The following PLPPR4 variants were observed in gnomAD, a reference collection of about 807,000 sequenced individuals.
PLPPR4 encodes phospholipid phosphatase-related protein type 4.
PLPPR4 carries 24 observed loss-of-function variants against 56.6 expected under a neutral mutation model. That is an observed-to-expected ratio of 0.42 (90% CI 0.31 to 0.60). The LOEUF is 0.60. Among genes scored for constraint, PLPPR4 ranks in the 20% least tolerant of loss-of-function variants. The pLI, the probability that PLPPR4 is intolerant of heterozygous loss-of-function variation, is 0.13. For synonymous variants in PLPPR4, 326 were observed against 328.1 expected, an observed-to-expected ratio of 0.99 and a Z score of 0.07; for missense variants, 654 against 885.8, an observed-to-expected ratio of 0.74 and a Z score of 3.32.
At chr1:99,302,146 G>A (rs932355410) in intron 6 of PLPPR4, among the ~76,000 whole-genome samples, 1 of 152,010 alleles carries the variant, frequency 6.6e-6, no homozygotes, top group South Asian at 2.1e-4. Flanking sequence ...CCAAACAGGA[G>A]GTGGGCAGGG....
intron 3 of PLPPR4, among the ~76,000 whole-genome samples, chr1:99,297,886 T>G (rs1282958641): frequency 6.6e-6 from 1 of 152,106 alleles, no homozygotes; most frequent in Non-Finnish European, 1.5e-5. Flanking sequence ...ATACCCTCTC[T>G]CGACTGGAAG....
At chr1:99,286,303 A>C (rs978061261) in intron 1 of PLPPR4, among the ~76,000 whole-genome samples, 64 of 152,292 alleles carry the variant, frequency 4.2e-4, no homozygotes, top group African/African-American at 1.5e-3. Context: ...AATTAAATTA[A>C]GGTTTACACA....
chr1:99,275,090 C>T (rs1471161936), intron 1 of PLPPR4, among the ~76,000 whole-genome samples: 2 of 151,906 alleles, frequency 1.3e-5, no homozygotes, highest in African/African-American at 4.8e-5. Flanking sequence ...TCTGAAAATG[C>T]CTGTATTGTA....
intron 1 of PLPPR4, among the ~76,000 whole-genome samples, chr1:99,276,888 G>A (rs1224867312): frequency 6.6e-6 from 1 of 152,160 alleles, no homozygotes; most frequent in Admixed American, 6.6e-5. Flanking sequence ...GATGCCTAAT[G>A]ATTTCTCATT....
upstream of PLPPR4, chr1:99,264,478 G>T: frequency 2.0e-6 from 3 of 1,524,702 alleles, no homozygotes; most frequent in Non-Finnish European, 2.6e-6. Context: ...AGCGGTGGCC[G>T]CGGGGAATGT....
At chr1:99,295,351 C>T (rs1659716622) in intron 2 of PLPPR4, among the ~76,000 whole-genome samples, 1 of 152,132 alleles carries the variant, frequency 6.6e-6, no homozygotes, top group African/African-American at 2.4e-5. Context: ...AGGCCATAGG[C>T]TTGCTGTCAT....
chr1:99,291,698 T>G (rs893514916), intron 2 of PLPPR4, among the ~76,000 whole-genome samples: 1 of 152,160 alleles, frequency 6.6e-6, no homozygotes, highest in Non-Finnish European at 1.5e-5. Context: ...CCACGTGTTC[T>G]CATTCATAAC....
At chr1:99,297,067 C>T (rs1418931361) in intron 3 of PLPPR4, among the ~76,000 whole-genome samples, 200 bp downstream of exon 3, 1 of 151,996 alleles carries the variant, frequency 6.6e-6, no homozygotes, top group Non-Finnish European at 1.5e-5. Context: ...ACAGTTGTAG[C>T]CCTTGTTTTG....
intron 2 of PLPPR4, among the ~76,000 whole-genome samples, chr1:99,289,744 A>G (rs1207471173): frequency 6.6e-6 from 1 of 152,144 alleles, no homozygotes; most frequent in East Asian, 1.9e-4. Flanking sequence ...AAAATTTGAC[A>G]TACCTTCATG....
In PLPPR4 at chr1:99,306,787, T is replaced by C. The variant is rs1395247927; in HGVS notation, c.1925T>C (p.Ile642Thr). 1.2e-6 allele frequency: 2 copies of C among 1,613,996 alleles called. No individual in the cohort carries two copies. Among genetic ancestry groups the C allele is most frequent in the Non-Finnish European group, 1.7e-6 (2 of 1,179,988 alleles). ...TCTGGAGATCGCAAGAGAAGCAACA[T>C]TGATAGCAATGAGCATCACCACCAC... Reference protein sequence around the residue: ...FGSGDRKRSNIDSNEHHHHGI... With the variant: ...FGSGDRKRSNTDSNEHHHHGI... Residue 642 changes from isoleucine (I) to threonine (T), a missense_variant, in exon 7 of 7, where the codon ATT (isoleucine) becomes ACT (threonine). Physicochemically the swap from Ile to Thr is moderately conservative, Grantham distance 89. Transcript: ENST00000370185. This position sits in a 1 kb window ranked among gnomAD's most constrained non-coding sequence, Gnocchi z 4.0.
At chr1:99,283,866 C>G (rs572634534) in intron 1 of PLPPR4, among the ~76,000 whole-genome samples, 2 of 152,074 alleles carry the variant, frequency 1.3e-5, no homozygotes, top group Admixed American at 1.3e-4. Flanking sequence ...GCAGGAGAAT[C>G]GCTTGAACTC....
intron 1 of PLPPR4, among the ~76,000 whole-genome samples, chr1:99,270,636 A>T (rs1470340664): frequency 2.6e-5 from 4 of 152,192 alleles, no homozygotes; most frequent in Non-Finnish European, 5.9e-5. Flanking sequence ...CTATCTCATG[A>T]TCTATGTACA....
At chr1:99,283,933 C>G (rs1213357111) in intron 1 of PLPPR4, among the ~76,000 whole-genome samples, 1 of 152,052 alleles carries the variant, frequency 6.6e-6, no homozygotes. Context: ...GCTTGGGCGA[C>G]AGAGCGAGAC....
intron 1 of PLPPR4, among the ~76,000 whole-genome samples, chr1:99,272,317 C>A (rs1245412408): frequency 6.6e-6 from 1 of 151,970 alleles, no homozygotes; most frequent in Non-Finnish European, 1.5e-5. Flanking sequence ...AGTATGCCAG[C>A]GTTACCTAAG....
At chr1:99,264,346 A>G (rs1292571685), upstream of PLPPR4, 2 of 1,000,282 alleles carry the variant, frequency 2.0e-6, no homozygotes, top group Admixed American at 3.0e-5. Context: ...CTCTCGCCAG[A>G]AAAACGGGGA....
At chr1:99,285,141 G>A (rs961805468) in intron 1 of PLPPR4, among the ~76,000 whole-genome samples, 1 of 152,122 alleles carries the variant, frequency 6.6e-6, no homozygotes, top group Non-Finnish European at 1.5e-5. Flanking sequence ...ATTGTTGACT[G>A]TGGAACTAGA....
At chr1:99,266,134 G>C (rs1343754304) in intron 1 of PLPPR4, among the ~76,000 whole-genome samples, 1 of 152,212 alleles carries the variant, frequency 6.6e-6, no homozygotes, top group Non-Finnish European at 1.5e-5. Flanking sequence ...TGATGAAAAT[G>C]GTGAAGGAAT....
At chr1:99,267,035 T>A (rs1373630432) in intron 1 of PLPPR4, among the ~76,000 whole-genome samples, 2 of 152,266 alleles carry the variant, frequency 1.3e-5, no homozygotes, top group African/African-American at 2.4e-5. Flanking sequence ...AAGTGAAACA[T>A]GAGTGAATCT....
upstream of PLPPR4, chr1:99,264,130 C>A: frequency 2.5e-6 from 1 of 393,780 alleles, no homozygotes; most frequent in Non-Finnish European, 4.5e-6. Context: ...CCTAGAGTGA[C>A]CTAGGAGGCT....
Sources: gnomAD v4.1 joint callset for allele counts (sites outside exome capture counted in the v4.1 genomes callset) on GRCh38, gnomAD v4.1.1 for gene constraint, Gnocchi (gnomAD v3.1) non-coding constraint, MANE v1.5 for transcripts, NCBI Gene and HGNC (gene_info 2026-07-23, HGNC 2026-07-21) for gene names.